The following DZIP1 variants were observed in gnomAD, a reference collection of about 807,000 sequenced individuals.
DZIP1 encodes the protein cilium assembly protein DZIP1.
A neutral mutation model predicts 107.6 loss-of-function variants in DZIP1; 97 were observed. The observed-to-expected ratio is 0.90, with a 90% CI of 0.77 to 1.07. The LOEUF is 1.07. DZIP1 is among the 50% of genes least tolerant of loss of function. The pLI is 0.00. For synonymous variants in DZIP1, 390 were observed against 386.4 expected (o/e 1.01, Z -0.11); for missense variants, 1,035 against 1,063.6 (o/e 0.97, Z 0.37).
chr13:95,582,825 C>T (rs917932271), intron 22 of DZIP1, among the ~76,000 whole-genome samples: 1 of 152,150 alleles, frequency 6.6e-6, no homozygotes, highest in Non-Finnish European at 1.5e-5. Flanking sequence ...TCAAGTTTGA[C>T]TCTAGAAATG....
chr13:95,613,549 T>A (rs2045084151), intron 10 of DZIP1, among the ~76,000 whole-genome samples: 1 of 151,728 alleles, frequency 6.6e-6, no homozygotes, highest in Non-Finnish European at 1.5e-5. Context: ...GTGAAGAACA[T>A]TCCAAGTCTA....
chr13:95,625,986 G>A (rs1351863717), intron 7 of DZIP1, among the ~76,000 whole-genome samples: 1 of 151,652 alleles, frequency 6.6e-6, no homozygotes, highest in Admixed American at 6.6e-5. Flanking sequence ...AAAAAAATTA[G>A]CCAGGTATGG....
At position 95,622,225 on chromosome 13, in the gene DZIP1, G is replaced by A. The variant is rs117360047; in HGVS notation, c.1110+118C>T. The A allele has an allele frequency of 2.9e-4, 381 of 1,292,600 alleles. 1 individual carries two copies. In the East Asian group the frequency reaches 8.7e-3, roughly 29 times the overall value. The allele number at this position is 1,292,600 out of a possible 1,614,324, so 80.1% of individuals were successfully genotyped here. ...TGCTGTAGGAGAAAAATAACAGCTA[G>A]TCACCTTCAGGGTTACTAAAAAAGA... On this transcript the variant is annotated intron_variant, in intron 9 of 22. Coordinates refer to ENST00000376829, the MANE Select transcript of DZIP1 (RefSeq NM_198968.4).
chr13:95,603,279 C>A (rs975382694), intron 14 of DZIP1, among the ~76,000 whole-genome samples: 1 of 128,198 alleles, frequency 7.8e-6, no homozygotes, highest in African/African-American at 3.1e-5. Flanking sequence ...CACATTCCAG[C>A]CTGGGCGACA....
At chr13:95,600,575 A>G (rs1373182859) in intron 14 of DZIP1, among the ~76,000 whole-genome samples, 2 of 127,350 alleles carry the variant, frequency 1.6e-5, no homozygotes, top group Non-Finnish European at 3.7e-5. Context: ...GAGATGATAG[A>G]GATAGATAGA....
chr13:95,584,589 C>T lies in DZIP1; in HGVS notation c.2524+147G>A, dbSNP rs2044103013. 3 of 1,410,394 alleles carry T rather than the reference C, an allele frequency of 2.1e-6. No homozygotes were observed. The South Asian group carries it at 6.0e-5, about 28-fold the overall frequency. The allele number at this position is 1,410,394 out of a possible 1,614,324, so 87.4% of individuals were successfully genotyped here. A position where few individuals can be genotyped will look rare whatever the true frequency, so the allele number is the denominator to read the frequency against. ...TATGAATCAGTGAGTTATGCATATCCAATCCTTATTTAAATAACATAAAGA... is the reference window on the plus strand; with the variant it reads ...TATGAATCAGTGAGTTATGCATATCTAATCCTTATTTAAATAACATAAAGA... On this transcript the variant is annotated intron_variant, in intron 22 of 22. Coordinates refer to ENST00000376829, the MANE Select transcript of DZIP1 (RefSeq NM_198968.4).
In DZIP1 at chr13:95,639,557, C is replaced by T. The variant is rs571294211; in HGVS notation, c.597+1738G>A. Among the ~76,000 whole-genome samples, 43 of 144,040 alleles carry T rather than the reference C, an allele frequency of 3.0e-4. No individual in the cohort carries two copies. In the South Asian group the frequency reaches 8.2e-3, roughly 27 times the overall value. 94.5% of individuals were successfully genotyped at this position (144,040 alleles called of 152,430 possible). ...AGTGAGCCAAGACCGCACCCCTGCA[C>T]GCCAGCCTGGGCGACAGAGTGAGAC... On this transcript the variant is annotated intron_variant, in intron 5 of 22. Coordinates refer to ENST00000376829, the MANE Select transcript of DZIP1 (RefSeq NM_198968.4).
chr13:95,600,643 G>A (rs2044595459), intron 14 of DZIP1, among the ~76,000 whole-genome samples: 2 of 152,170 alleles, frequency 1.3e-5, no homozygotes, highest in South Asian at 2.1e-4. Context: ...CAGACAGACA[G>A]ACAGACAGGC....
chr13:95,585,888 C>T lies in DZIP1; in HGVS notation c.2349+118G>A, dbSNP rs557630953. 9.6e-6 allele frequency: 10 copies of T among 1,041,226 alleles called. No individual in the cohort carries two copies. In the South Asian group the frequency reaches 1.9e-4, roughly 20 times the overall value. 64.5% of individuals were successfully genotyped at this position (1,041,226 alleles called of 1,614,324 possible). On this transcript the variant is annotated intron_variant, in intron 21 of 22. Transcript: ENST00000376829. Reference sequence around the variant, plus strand: ...TACTGAGAACAAGAAAGGTGAAAATCTCAACCTCTACTCTACCAGCTAACT... The same window carrying T: ...TACTGAGAACAAGAAAGGTGAAAATTTCAACCTCTACTCTACCAGCTAACT...
chr13:95,596,854 C>CA (rs1176755916), intron 15 of DZIP1, among the ~76,000 whole-genome samples: 3 of 152,180 alleles, frequency 2.0e-5, no homozygotes, highest in Non-Finnish European at 2.9e-5. Context: ...CACTTATCTG[C>CA]AAAATGTTAG....
chr13:95,588,908 A>G lies in DZIP1; in HGVS notation c.2027+246T>C, dbSNP rs564846029. 1.5e-3 allele frequency among the ~76,000 whole-genome samples: 224 copies of G among 152,374 alleles called. 1 individual carries two copies. Among genetic ancestry groups the G allele is most frequent in the African/African-American group, 4.3e-3 (178 of 41,602 alleles). ...TACTCAACATTGTAGGGGGATGGACATAAGAATGACTCAGGTGTCTTGCTT... is the reference window on the plus strand; with the variant it reads ...TACTCAACATTGTAGGGGGATGGACGTAAGAATGACTCAGGTGTCTTGCTT... On this transcript the variant is annotated intron_variant, in intron 19 of 22. Transcript: ENST00000376829.
intron 12 of DZIP1, among the ~76,000 whole-genome samples, chr13:95,609,915 G>A (rs922081288): frequency 2.6e-5 from 4 of 152,164 alleles, no homozygotes; most frequent in East Asian, 1.9e-4. Flanking sequence ...AACCTGAGAC[G>A]TGCAGGAACC....
At chr13:95,605,412 G>A (rs538711606) in intron 14 of DZIP1, among the ~76,000 whole-genome samples, 3 of 152,212 alleles carry the variant, frequency 2.0e-5, no homozygotes, top group South Asian at 2.1e-4. Flanking sequence ...AGTGAAATAC[G>A]GCTACAAATA....
At chr13:95,596,490 A>AC (rs1355271093) in intron 15 of DZIP1, among the ~76,000 whole-genome samples, 1 of 152,184 alleles carries the variant, frequency 6.6e-6, no homozygotes, top group Non-Finnish European at 1.5e-5. Flanking sequence ...ACATGAGTAT[A>AC]CTAGAAACAG....
chr13:95,618,051 G>A (rs573753407), intron 10 of DZIP1: 2 of 518,514 alleles, frequency 3.9e-6, no homozygotes, highest in Admixed American at 1.9e-5. Context: ...TACTGAGCTG[G>A]CTACCTGATC....
chr13:95,620,167 G>A (rs1875650569), intron 9 of DZIP1, among the ~76,000 whole-genome samples: 1 of 152,176 alleles, frequency 6.6e-6, no homozygotes. Context: ...CTTCCCCCTT[G>A]CTGTTCTCAT....
intron 13 of DZIP1, 65 bp from the exon 14 acceptor site, chr13:95,606,124 A>G: frequency 1.3e-6 from 2 of 1,536,756 alleles, no homozygotes; most frequent in African/African-American, 1.4e-5. Context: ...TCCGAACATG[A>G]TGGTAGCCAA....
chr13:95,599,727 A>C lies in DZIP1; in HGVS notation c.1478-303T>G, dbSNP rs539543504. Among the ~76,000 whole-genome samples, 125 of 152,352 alleles carry C rather than the reference A, an allele frequency of 8.2e-4. 2 individuals carry two copies. Among genetic ancestry groups the C allele is most frequent in the Non-Finnish European group, 6.6e-4 (45 of 68,030 alleles). ...GTAGCCTTTTAAGACACAAGGGCACAACTGCAAAAGATCTTCATTACTTAT... is the reference window on the plus strand; with the variant it reads ...GTAGCCTTTTAAGACACAAGGGCACCACTGCAAAAGATCTTCATTACTTAT... On this transcript the variant is annotated intron_variant, in intron 14 of 22. Transcript: ENST00000376829.
At chr13:95,629,351 C>A (rs1046933908) in intron 7 of DZIP1, among the ~76,000 whole-genome samples, 1 of 152,234 alleles carries the variant, frequency 6.6e-6, no homozygotes, top group Non-Finnish European at 1.5e-5. Flanking sequence ...CCCTTCATCA[C>A]CCCGAGTATC....
Sources: allele counts gnomAD v4.1 joint callset (sites outside exome capture counted in the v4.1 genomes callset), GRCh38; gene constraint gnomAD v4.1.1; transcripts MANE v1.5; gene names NCBI Gene and HGNC (gene_info 2026-07-23, HGNC 2026-07-21).